The following MCF2L2 variants were observed in gnomAD, a reference collection of about 807,000 sequenced individuals.
MCF2L2 encodes the protein MCF.2 cell line derived transforming sequence-like 2.
In MCF2L2, 102 loss-of-function variants were observed where a neutral mutation model predicts 150.2. That is an observed-to-expected ratio of 0.68 (90% confidence interval 0.58 to 0.80). The LOEUF (loss-of-function observed/expected upper bound fraction) is 0.80, where lower values mean the gene tolerates loss of function less well. MCF2L2 is among the 30% of genes least tolerant of loss of function. The pLI, the probability that MCF2L2 is intolerant of heterozygous loss-of-function variation, is 0.00. For missense variants in MCF2L2, 1,256 were observed against 1,372.8 expected (o/e 0.91, Z 1.34); for synonymous variants, 465 against 491.3 (o/e 0.95, Z 0.71).
intron 2 of MCF2L2, among the ~76,000 whole-genome samples, chr3:183,384,535 G>GC (rs35360953): frequency 1.4e-4 from 21 of 151,900 alleles, no homozygotes; most frequent in African/African-American, 4.8e-4. Flanking sequence ...CTGATCTGTG[G>GC]CCCCCCGCCC....
chr3:183,192,699 A>G (rs1253035798), intron 27 of MCF2L2: 1 of 299,806 alleles, frequency 3.3e-6, no homozygotes, highest in African/African-American at 2.1e-5. Context: ...TCCATTTGAT[A>G]TTTGGACAGC....
chr3:183,241,166 T>C (rs923045625), intron 15 of MCF2L2, among the ~76,000 whole-genome samples: 1 of 152,178 alleles, frequency 6.6e-6, no homozygotes, highest in East Asian at 1.9e-4. Flanking sequence ...CAACTCTGTG[T>C]TGAGTGAAGT....
chr3:183,413,540 C>T (rs898577768), intron 1 of MCF2L2, among the ~76,000 whole-genome samples: 1 of 152,152 alleles, frequency 6.6e-6, no homozygotes. Context: ...GGCAGTTACA[C>T]GATGCAGTTA....
chr3:183,267,750 C>T lies in MCF2L2; in HGVS notation c.1862+9122G>A, dbSNP rs552149025. Among the ~76,000 whole-genome samples, 2 of 152,324 alleles carry T rather than the reference C, an allele frequency of 1.3e-5. No homozygotes were observed. The highest frequency in any genetic ancestry group is 3.9e-4 in the East Asian group (2 of 5,180). On this transcript the variant is annotated intron_variant, in intron 15 of 29. Coordinates refer to ENST00000328913, the MANE Select transcript of MCF2L2 (RefSeq NM_015078.4). This position sits in a 1 kb window ranked among gnomAD's most constrained non-coding sequence, Gnocchi z 5.5. ...GAATTCTTGAGGAAGGAGGGTGCTG[C>T]GTCCCAGTGGTGGAGGAAAAGAGAG...
chr3:183,306,143 G>T (rs747798268), intron 10 of MCF2L2, among the ~76,000 whole-genome samples: 1 of 152,204 alleles, frequency 6.6e-6, no homozygotes, highest in African/African-American at 2.4e-5. Context: ...GCCAAGATTT[G>T]AATCCATCCC....
intron 25 of MCF2L2, among the ~76,000 whole-genome samples, chr3:183,201,484 G>A (rs909079509): frequency 2.0e-5 from 3 of 152,228 alleles, no homozygotes; most frequent in Admixed American, 1.3e-4. Flanking sequence ...TTTGTATACT[G>A]AGACTTTGCT....
intron 14 of MCF2L2, among the ~76,000 whole-genome samples, chr3:183,280,622 G>T (rs1727414341): frequency 1.3e-5 from 2 of 152,008 alleles, no homozygotes; most frequent in Non-Finnish European, 2.9e-5. Flanking sequence ...CCAAGGTGGG[G>T]CAGATCACCT....
rs1251817853 is a variant in MCF2L2, at chr3:183,323,361, A to G, written c.487-10T>C. The G allele has an allele frequency of 1.3e-6, 2 of 1,535,212 alleles. No individual in the cohort carries two copies. Among genetic ancestry groups the G allele is most frequent in the East Asian group, 4.5e-5 (2 of 44,350 alleles). On this transcript the variant is annotated splice_polypyrimidine_tract_variant and intron_variant, in intron 5 of 29. Coordinates refer to ENST00000328913, the MANE Select transcript of MCF2L2 (RefSeq NM_015078.4). ...AGTTTACCATGATGATCTGTAAGGTAAAAATTTAATTAAACATACTCCTCA... is the reference window on the plus strand; with the variant it reads ...AGTTTACCATGATGATCTGTAAGGTGAAAATTTAATTAAACATACTCCTCA...
intron 15 of MCF2L2, among the ~76,000 whole-genome samples, chr3:183,268,189 G>T (rs2108439912): frequency 6.6e-6 from 1 of 152,338 alleles, no homozygotes; most frequent in East Asian, 1.9e-4. Flanking sequence ...GTGTGACTGT[G>T]CTTTCAGCCA....
chr3:183,426,873 C>A (rs1716189847), intron 1 of MCF2L2, among the ~76,000 whole-genome samples: 1 of 152,186 alleles, frequency 6.6e-6, no homozygotes, highest in South Asian at 2.1e-4. Flanking sequence ...ATCATCTTTA[C>A]AAAGTATGTC....
intron 10 of MCF2L2, among the ~76,000 whole-genome samples, 173 bp from the exon 11 acceptor site, chr3:183,300,369 C>A (rs1158570133): frequency 6.6e-6 from 1 of 152,190 alleles, no homozygotes; most frequent in Non-Finnish European, 1.5e-5. Flanking sequence ...GAAGTTAAGC[C>A]TGGCCCAGAG....
chr3:183,248,406 T>C (rs1159542687), intron 15 of MCF2L2, among the ~76,000 whole-genome samples: 1 of 152,176 alleles, frequency 6.6e-6, no homozygotes, highest in Non-Finnish European at 1.5e-5. Flanking sequence ...TATTAAAGAG[T>C]ACTCAATGTA....
intron 27 of MCF2L2, among the ~76,000 whole-genome samples, chr3:183,183,062 C>G (rs1721586053): frequency 6.6e-6 from 1 of 152,174 alleles, no homozygotes; most frequent in African/African-American, 2.4e-5. Context: ...GTTGTGTGAT[C>G]ACGGCTCACT....
intron 11 of MCF2L2, chr3:183,297,383 G>C (rs2108492888): frequency 2.0e-6 from 1 of 501,728 alleles, no homozygotes; most frequent in East Asian, 3.3e-5. Context: ...ACTTCTCAGG[G>C]AAGTCACTCG....
intron 23 of MCF2L2, among the ~76,000 whole-genome samples, chr3:183,206,939 AAGGAAGGAAGGAAGG>A (rs1722501336): frequency 2.0e-5 from 1 of 50,352 alleles, no homozygotes; most frequent in Non-Finnish European, 5.6e-5. Flanking sequence ...GGAAGGAAGG[AAGGAAGGAAGGAAGG>A]AAGGAAGGAA....
intron 3 of MCF2L2, among the ~76,000 whole-genome samples, chr3:183,350,108 C>G (rs1331032464): frequency 6.6e-6 from 1 of 152,176 alleles, no homozygotes; most frequent in Non-Finnish European, 1.5e-5. Flanking sequence ...CAGACTAAGA[C>G]CCAACCAGAG....
intron 27 of MCF2L2, among the ~76,000 whole-genome samples, chr3:183,182,028 C>G (rs1302229038): frequency 6.6e-6 from 1 of 152,166 alleles, no homozygotes; most frequent in South Asian, 2.1e-4. Context: ...TCCCTGCTCT[C>G]GCGGGCCCTG....
intron 2 of MCF2L2, among the ~76,000 whole-genome samples, chr3:183,385,747 C>A (rs866561751): frequency 2.0e-5 from 3 of 152,198 alleles, no homozygotes; most frequent in Middle Eastern, 3.2e-3. Flanking sequence ...CCCTGACCAC[C>A]GTCTCCTGTG....
At chr3:183,365,835 T>G (rs1025078407) in intron 3 of MCF2L2, among the ~76,000 whole-genome samples, 1 of 151,864 alleles carries the variant, frequency 6.6e-6, no homozygotes, top group African/African-American at 2.4e-5. Flanking sequence ...GAGAAAAACA[T>G]TTGCAATATA....
Sources: gnomAD v4.1 joint callset for allele counts (sites outside exome capture counted in the v4.1 genomes callset) on GRCh38, gnomAD v4.1.1 for gene constraint, Gnocchi (gnomAD v3.1) non-coding constraint, MANE v1.5 for transcripts, NCBI Gene and HGNC (gene_info 2026-07-23, HGNC 2026-07-21) for gene names.